GPR139: variants seen among roughly 807,000 people sequenced by gnomAD.
GPR139 encodes probable G protein-coupled receptor 139.
A neutral mutation model predicts 25.8 loss-of-function variants in GPR139; 12 were observed. The ratio of observed to expected loss-of-function variants is 0.47; its 90% CI spans 0.30 to 0.75. GPR139 has a LOEUF of 0.75. Ranked by LOEUF, GPR139 falls within the 30% of genes least tolerant of loss-of-function variation. The probability of loss-of-function intolerance (pLI) is 0.07; values close to 1 mark genes in which losing one functional copy is unlikely to be tolerated. For synonymous variants in GPR139, 184 were observed against 179.9 expected (o/e 1.02, Z -0.18); for missense variants, 380 against 450.2 (o/e 0.84, Z 1.41).
chr16:20,067,340 TTAA>T (rs1193793594), intron 1 of GPR139, among the ~76,000 whole-genome samples: 7 of 152,120 alleles, frequency 4.6e-5, no homozygotes, highest in Non-Finnish European at 1.0e-4. Context: ...GAGAGACCCA[TTAA>T]TAATAACTCG....
intron 1 of GPR139, among the ~76,000 whole-genome samples, chr16:20,067,960 AG>A (rs920595834): frequency 5.9e-5 from 9 of 152,168 alleles, no homozygotes; most frequent in Non-Finnish European, 1.2e-4. Flanking sequence ...AAGTGGAAAA[AG>A]AGTAAATGTG....
intron 1 of GPR139, among the ~76,000 whole-genome samples, chr16:20,061,372 TG>T (rs1367589383): frequency 6.6e-6 from 1 of 151,666 alleles, no homozygotes; most frequent in African/African-American, 2.4e-5. Context: ...GGTGGATGGA[TG>T]GATGGATAGA....
chr16:20,031,453 G>A lies in GPR139; in HGVS notation c.*282C>T. On this transcript the variant is annotated 3_prime_UTR_variant, in exon 2 of 2. Transcript: ENST00000570682. ...TACTTCTCTACTTTGTGTCCTAACT[G>A]GTCACAGGATGATGACACAAGCTCC... 1 of 441,440 alleles carries A rather than the reference G, an allele frequency of 2.3e-6. No homozygotes were observed. The highest frequency in any genetic ancestry group is 4.1e-6 in the Non-Finnish European group (1 of 242,776). 27.3% of individuals were successfully genotyped at this position (441,440 alleles called of 1,614,324 possible). A position where few individuals can be genotyped will look rare whatever the true frequency, so the allele number is the denominator to read the frequency against.
Position 20,035,340 on chromosome 16 carries a change from A to G in GPR139, c.128-2671T>C, listed in dbSNP as rs193138231. Among the ~76,000 whole-genome samples, 4 of 152,344 alleles carry G rather than the reference A, an allele frequency of 2.6e-5. No homozygotes were observed. In the East Asian group the frequency reaches 7.7e-4, roughly 29 times the overall value. On this transcript the variant is annotated intron_variant, in intron 1 of 1. Coordinates refer to ENST00000570682, the MANE Select transcript of GPR139 (RefSeq NM_001002911.4). ...TCCCAGTGGGCTGGGGGTACCATGA[A>G]GATATGCTATACTGCACACAATGTA...
chr16:20,058,016 A>G (rs947031336), intron 1 of GPR139, among the ~76,000 whole-genome samples: 2 of 152,180 alleles, frequency 1.3e-5, no homozygotes, highest in Non-Finnish European at 2.9e-5. Context: ...GGTCCTTGAT[A>G]ATGCAGCCTA....
intron 1 of GPR139, among the ~76,000 whole-genome samples, chr16:20,050,893 C>T (rs2141208537): frequency 6.6e-6 from 1 of 151,970 alleles, no homozygotes; most frequent in Non-Finnish European, 1.5e-5. Context: ...GAGACTCCAT[C>T]TCTACAAAAA....
At position 20,073,436 on chromosome 16, in the gene GPR139, G is replaced by A. The variant is rs1418940986; in HGVS notation, c.127+54C>T. ...GGGAGGACGGGGGATTCTGGGTAGG[G>A]TTGCCCGGCACTTGGGGTTCCTGGC... On this transcript the variant is annotated intron_variant, in intron 1 of 1. Coordinates refer to ENST00000570682, the MANE Select transcript of GPR139 (RefSeq NM_001002911.4). The surrounding 1 kb of genome is among the most constrained non-coding windows in gnomAD (Gnocchi z 4.7). 3 of 1,588,462 alleles carry A rather than the reference G, an allele frequency of 1.9e-6. No homozygotes were observed. Among genetic ancestry groups the A allele is most frequent in the African/African-American group, 1.4e-5 (1 of 74,028 alleles).
intron 1 of GPR139, among the ~76,000 whole-genome samples, chr16:20,069,593 T>C (rs981805501): frequency 5.9e-5 from 9 of 152,206 alleles, no homozygotes; most frequent in Admixed American, 6.5e-5. Context: ...GTTATCATTC[T>C]CACTTGGCAG....
At chr16:20,062,612 G>A (rs2057417825) in intron 1 of GPR139, among the ~76,000 whole-genome samples, 2 of 152,142 alleles carry the variant, frequency 1.3e-5, no homozygotes, top group Admixed American at 1.3e-4. Flanking sequence ...CTGCATTCTT[G>A]TGTCACGAGT....
At position 20,048,791 on chromosome 16, in the gene GPR139, CA is replaced by C. The variant is rs147923498; in HGVS notation, c.128-16123del. Among the ~76,000 whole-genome samples, 744 of 152,288 alleles carry C rather than the reference CA, an allele frequency of 4.9e-3. 6 individuals carry two copies. Among genetic ancestry groups the C allele is most frequent in the African/African-American group, 0.017 (719 of 41,560 alleles). On this transcript the variant is annotated intron_variant, in intron 1 of 1. Transcript: ENST00000570682. Reference sequence around the variant, plus strand: ...GACCTCTGCTTTACCAGCCAACATCCAAAATCTTTGCACAACCCACAAGGTA... The same window carrying C: ...GACCTCTGCTTTACCAGCCAACATCCAAATCTTTGCACAACCCACAAGGTA...
At chr16:20,033,813 A>G (rs914676087) in intron 1 of GPR139, among the ~76,000 whole-genome samples, 1 of 152,114 alleles carries the variant, frequency 6.6e-6, no homozygotes, top group African/African-American at 2.4e-5. Flanking sequence ...CTATGCTTAT[A>G]TATGTCCATA....
chr16:20,030,736 G>T lies in GPR139; in HGVS notation c.*999C>A, dbSNP rs546194528. 3.9e-5 allele frequency among the ~76,000 whole-genome samples: 6 copies of T among 152,348 alleles called. No homozygotes were observed. In the South Asian group the frequency reaches 6.2e-4, roughly 16 times the overall value. ...GAACACCTCCTCTCATACCCGCAGA[G>T]CTGCAGTTCCTGACCCTTGAATATT... On this transcript the variant is annotated 3_prime_UTR_variant, in exon 2 of 2. Coordinates refer to ENST00000570682, the MANE Select transcript of GPR139 (RefSeq NM_001002911.4).
At chr16:20,037,834 G>C (rs1316789415) in intron 1 of GPR139, among the ~76,000 whole-genome samples, 2 of 152,102 alleles carry the variant, frequency 1.3e-5, no homozygotes, top group Non-Finnish European at 2.9e-5. Flanking sequence ...CCCTGACTTA[G>C]AAAAGTGCCA....
chr16:20,051,044 C>A (rs932805322), intron 1 of GPR139, among the ~76,000 whole-genome samples: 12 of 103,634 alleles, frequency 1.2e-4, no homozygotes, highest in Admixed American at 3.7e-4. Context: ...GCCTGGGCAA[C>A]AGAGCAAGAC....
chr16:20,056,350 A>G (rs917538266), intron 1 of GPR139, among the ~76,000 whole-genome samples: 2 of 152,162 alleles, frequency 1.3e-5, no homozygotes, highest in Admixed American at 6.5e-5. Flanking sequence ...ACCCAGATTT[A>G]TTTTCCTTTA....
intron 1 of GPR139, among the ~76,000 whole-genome samples, chr16:20,059,950 G>A (rs912951219): frequency 6.6e-6 from 1 of 152,180 alleles, no homozygotes; most frequent in Non-Finnish European, 1.5e-5. Flanking sequence ...TGGGTGCAGA[G>A]GGAGGACACA....
At chr16:20,041,215 G>C (rs2057331788) in intron 1 of GPR139, among the ~76,000 whole-genome samples, 1 of 3,228 alleles carries the variant, frequency 3.1e-4, no homozygotes, top group Non-Finnish European at 6.6e-4. Context: ...GGAGAGGAGA[G>C]GAGAGGAGAG....
intron 1 of GPR139, among the ~76,000 whole-genome samples, chr16:20,041,192 G>A (rs1364769718): frequency 0.02 from 4 of 204 alleles, 1 homozygote; most frequent in Non-Finnish European, 0.031. Flanking sequence ...GGAGGGGAGG[G>A]GAGGGGAGGA....
chr16:20,067,519 T>C (rs1413305725), intron 1 of GPR139, among the ~76,000 whole-genome samples: 1 of 151,948 alleles, frequency 6.6e-6, no homozygotes, highest in Non-Finnish European at 1.5e-5. Flanking sequence ...AGAATTGGAG[T>C]GCTGGCTGGG....
Sources: gnomAD v4.1 joint callset for allele counts (sites outside exome capture counted in the v4.1 genomes callset) on GRCh38, gnomAD v4.1.1 for gene constraint, Gnocchi (gnomAD v3.1) non-coding constraint, MANE v1.5 for transcripts, NCBI Gene and HGNC (gene_info 2026-07-23, HGNC 2026-07-21) for gene names.